The following CTNNA3 variants were observed in gnomAD, a reference collection of about 807,000 sequenced individuals.
CTNNA3 encodes the protein catenin alpha-3.
Under a neutral mutation model 95.7 loss-of-function variants are expected in CTNNA3, and 76 were observed. The ratio of observed to expected loss-of-function variants is 0.79; its 90% confidence interval spans 0.66 to 0.96. CTNNA3 has a LOEUF of 0.96. Ranked by LOEUF, CTNNA3 falls within the 40% of genes least tolerant of loss-of-function variation. The probability of loss-of-function intolerance (pLI) is 0.00; values close to 1 mark genes in which losing one functional copy is unlikely to be tolerated. For missense variants in CTNNA3, 1,191 were observed against 1,089.8 expected (o/e 1.09, Z -1.31); for synonymous variants, 431 against 374.4 (o/e 1.15, Z -1.74).
intron 5 of CTNNA3, among the ~76,000 whole-genome samples, chr10:67,376,965 G>A (rs530792609): frequency 4.5e-4 from 69 of 152,274 alleles, no homozygotes; most frequent in African/African-American, 1.5e-3. Context: ...TTTTGAATCT[G>A]CTCAGCGCCA....
intron 17 of CTNNA3, among the ~76,000 whole-genome samples, chr10:65,939,650 C>T (rs2077398354): frequency 6.6e-6 from 1 of 152,150 alleles, no homozygotes; most frequent in Non-Finnish European, 1.5e-5. Context: ...TATAACCTAT[C>T]ACTAGCCTCT....
chr10:66,322,170 T>C (rs572411437), intron 12 of CTNNA3, among the ~76,000 whole-genome samples: 4 of 152,244 alleles, frequency 2.6e-5, no homozygotes, highest in African/African-American at 9.6e-5. Context: ...CACACACTTA[T>C]ATCTGTTTTT....
intron 3 of CTNNA3, among the ~76,000 whole-genome samples, chr10:67,543,182 AT>A (rs1204513569): frequency 6.6e-6 from 1 of 151,840 alleles, no homozygotes; most frequent in Non-Finnish European, 1.5e-5. Context: ...TAAAAACGGG[AT>A]TTTTTTTAAT....
At chr10:66,222,984 G>C (rs370976527) in intron 13 of CTNNA3, among the ~76,000 whole-genome samples, 1 of 151,932 alleles carries the variant, frequency 6.6e-6, no homozygotes, top group African/African-American at 2.4e-5. Flanking sequence ...AGTGTATTTA[G>C]AGTGTGGATA....
intron 5 of CTNNA3, among the ~76,000 whole-genome samples, chr10:67,330,835 A>G (rs1841762356): frequency 6.6e-6 from 1 of 152,194 alleles, no homozygotes; most frequent in Admixed American, 6.5e-5. Flanking sequence ...AAAGAGAAGT[A>G]AAATACGGAT....
chr10:66,690,473 C>G (rs1382895247), intron 9 of CTNNA3, among the ~76,000 whole-genome samples: 1 of 151,236 alleles, frequency 6.6e-6, no homozygotes, highest in African/African-American at 2.4e-5. Context: ...TATCCCTCCC[C>G]CGTCCCCCCA....
In CTNNA3 at chr10:67,092,480, A is replaced by G. The variant is rs185632727; in HGVS notation, c.1047+87837T>C. ...TTAAAAATAACCTTTTCTATCCAAC[A>G]GAAGAGATTCTTGAGTGACCTTAAC... On this transcript the variant is annotated intron_variant, in intron 7 of 17. Coordinates refer to ENST00000433211, the MANE Select transcript of CTNNA3 (RefSeq NM_013266.4). Among the ~76,000 whole-genome samples the G allele has an allele frequency of 9.2e-5, 14 of 152,104 alleles. No homozygotes were observed. In the East Asian group the frequency reaches 2.1e-3, roughly 23 times the overall value.
chr10:66,419,868 A>C (rs2093177415), intron 11 of CTNNA3, among the ~76,000 whole-genome samples: 1 of 152,162 alleles, frequency 6.6e-6, no homozygotes, highest in African/African-American at 2.4e-5. Context: ...CCTATCTCTC[A>C]CTGTACACAA....
At chr10:66,491,040 C>T (rs1054447243) in intron 11 of CTNNA3, among the ~76,000 whole-genome samples, 2 of 152,138 alleles carry the variant, frequency 1.3e-5, no homozygotes, top group Non-Finnish European at 2.9e-5. Context: ...CCTCAAAGCC[C>T]TTTAGGCCCT....
chr10:66,785,064 G>A (rs1319163242), intron 7 of CTNNA3, among the ~76,000 whole-genome samples: 1 of 152,180 alleles, frequency 6.6e-6, no homozygotes, highest in Non-Finnish European at 1.5e-5. Flanking sequence ...AAGACAGCTG[G>A]TCTGGGGTCA....
At chr10:66,676,822 G>A (rs925293211) in intron 9 of CTNNA3, among the ~76,000 whole-genome samples, 2 of 152,062 alleles carry the variant, frequency 1.3e-5, no homozygotes, top group Non-Finnish European at 1.5e-5. Flanking sequence ...AAACATTCTG[G>A]CAGCACAGGC....
At chr10:67,098,848 A>G (rs1452386594) in intron 7 of CTNNA3, 2 of 151,930 alleles carry the variant, frequency 1.3e-5, no homozygotes, top group African/African-American at 2.4e-5. Context: ...AGTAACCATC[A>G]GTCAGTGCAA....
chr10:66,664,642 TA>T (rs1846378405), intron 9 of CTNNA3, among the ~76,000 whole-genome samples: 1 of 152,022 alleles, frequency 6.6e-6, no homozygotes, highest in African/African-American at 2.4e-5. Flanking sequence ...ATCATCTAGG[TA>T]TGTTCCGTCT....
At chr10:66,014,040 T>C (rs1564578303) in intron 15 of CTNNA3, among the ~76,000 whole-genome samples, 1 of 152,146 alleles carries the variant, frequency 6.6e-6, no homozygotes, top group African/African-American at 2.4e-5. Flanking sequence ...TGTGAAGGAA[T>C]AAAAGTCTTC....
intron 14 of CTNNA3, among the ~76,000 whole-genome samples, chr10:66,074,962 C>G (rs2080521123): frequency 6.6e-6 from 1 of 151,766 alleles, no homozygotes; most frequent in Non-Finnish European, 1.5e-5. Flanking sequence ...CTTTTGAGCT[C>G]AAAATTTTAT....
chr10:67,295,618 T>C (rs1840002096), intron 5 of CTNNA3, among the ~76,000 whole-genome samples: 1 of 152,186 alleles, frequency 6.6e-6, no homozygotes, highest in African/African-American at 2.4e-5. Context: ...GCAGATTCCA[T>C]ACCAAGTTCT....
chr10:67,200,056 GAGA>G (rs774241249), intron 6 of CTNNA3, among the ~76,000 whole-genome samples: 11 of 152,234 alleles, frequency 7.2e-5, no homozygotes, highest in Admixed American at 2.0e-4. Context: ...CAAAATCTCT[GAGA>G]AGGAGTGCTT....
intron 5 of CTNNA3, among the ~76,000 whole-genome samples, chr10:67,391,568 T>C (rs1844487707): frequency 6.6e-6 from 1 of 151,738 alleles, no homozygotes; most frequent in Non-Finnish European, 1.5e-5. Context: ...AAAGTTCATA[T>C]GGAACCAAAA....
chr10:66,613,577 A>T (rs1256602296), intron 10 of CTNNA3, among the ~76,000 whole-genome samples: 1 of 152,044 alleles, frequency 6.6e-6, no homozygotes, highest in Non-Finnish European at 1.5e-5. Context: ...CCACATAGAT[A>T]CCACACCATC....
Sources: gnomAD v4.1 joint callset for allele counts (sites outside exome capture counted in the v4.1 genomes callset) on GRCh38, gnomAD v4.1.1 for gene constraint, MANE v1.5 for transcripts, NCBI Gene and HGNC (gene_info 2026-07-23, HGNC 2026-07-21) for gene names.